Variants in PLA2G7 observed in about 807,000 individuals in gnomAD.
The protein encoded by PLA2G7 is phospholipase A2 group VII.
In PLA2G7, 63 loss-of-function variants were observed where a neutral mutation model predicts 49.6. That is an observed-to-expected ratio of 1.27 (90% CI 1.04 to 1.57). The LOEUF (loss-of-function observed/expected upper bound fraction) is 1.57, where lower values mean the gene tolerates loss of function less well. Ranked by LOEUF, PLA2G7 falls within the 40% of genes most tolerant of loss-of-function variation. The probability of loss-of-function intolerance (pLI) is 0.00; values close to 1 mark genes in which losing one functional copy is unlikely to be tolerated. For synonymous variants in PLA2G7, 193 were observed against 169.9 expected, an observed-to-expected ratio of 1.14 and a Z score of -1.06; for missense variants, 596 against 521.2, an observed-to-expected ratio of 1.14 and a Z score of -1.40.
chr6:46,723,972 G>A (rs1765489140), intron 1 of PLA2G7, among the ~76,000 whole-genome samples: 1 of 152,052 alleles, frequency 6.6e-6, no homozygotes, highest in Non-Finnish European at 1.5e-5. Context: ...CACCAAACAT[G>A]CCAAGTACTC....
chr6:46,728,367 G>T (rs531966515), intron 1 of PLA2G7, among the ~76,000 whole-genome samples: 1 of 152,304 alleles, frequency 6.6e-6, no homozygotes, highest in African/African-American at 2.4e-5. Flanking sequence ...TAAGCATCCT[G>T]TAGTGCACAG....
intron 10 of PLA2G7, among the ~76,000 whole-genome samples, chr6:46,707,147 C>G (rs1764855715): frequency 1.3e-5 from 2 of 152,034 alleles, no homozygotes; most frequent in African/African-American, 2.4e-5. Flanking sequence ...GTCATGGTAC[C>G]CCATTATAGC....
At position 46,716,469 on chromosome 6, in the gene PLA2G7, C is replaced by T. The variant is rs184940944; in HGVS notation, c.291G>A (p.Trp97Ter). The change falls in exon 4 of 12, where the codon TGG (tryptophan) becomes TGA (stop). Residue 97 changes from tryptophan to a stop codon, truncating the protein, a stop_gained. Coordinates refer to ENST00000274793, the MANE Select transcript of PLA2G7 (RefSeq NM_005084.4). LOFTEE classifies it high-confidence loss of function. ...SQDNDRLDTL[W>*]IPNKEYFWGL... The stretch of plus-strand genomic sequence containing the variant: ...CCCAAAAATATTCTTTATTTGGGAT[C>T]CAAAGGGTGTCAAGGCGATCATTAT... 1.2e-6 allele frequency: 2 copies of T among 1,613,850 alleles called. No homozygotes were observed. The highest frequency in any genetic ancestry group is 2.7e-5 in the African/African-American group (2 of 74,996).
chr6:46,709,324 T>C lies in PLA2G7; in HGVS notation c.869+3A>G, dbSNP rs201938933. 1 of 1,507,398 alleles carries C rather than the reference T, an allele frequency of 6.6e-7. No homozygotes were observed. The highest frequency in any genetic ancestry group is 9.2e-7 in the Non-Finnish European group (1 of 1,083,318). The allele number at this position is 1,507,398 out of a possible 1,614,324, so 93.4% of individuals were successfully genotyped here. On this transcript the variant is annotated splice_donor_region_variant and intron_variant, in intron 9 of 11. Coordinates refer to ENST00000274793, the MANE Select transcript of PLA2G7 (RefSeq NM_005084.4). ...CTCTTGCTTTACTATCTTATTTTCT[T>C]ACCTGAATCTCTGATCTTCACTAAG... is the stretch of plus-strand genomic sequence containing the variant.
chr6:46,706,374 G>T (rs1008918855), intron 10 of PLA2G7, among the ~76,000 whole-genome samples: 2 of 152,212 alleles, frequency 1.3e-5, no homozygotes, highest in African/African-American at 4.8e-5. Flanking sequence ...GAATACAAGA[G>T]AATTGCGAGC....
intron 8 of PLA2G7, among the ~76,000 whole-genome samples, chr6:46,710,013 C>T (rs1764958979): frequency 6.6e-6 from 1 of 152,166 alleles, no homozygotes; most frequent in South Asian, 2.1e-4. Context: ...GCCAAGGGGA[C>T]AACATGTACA....
chr6:46,711,456 T>C lies in PLA2G7; in HGVS notation c.663+40A>G, dbSNP rs199642346. ...ACAAATGTCATCCTTTTGTACATGCTTTTAGGTCACCAACCACCTCTCCTT... is the reference window on the plus strand; with the variant it reads ...ACAAATGTCATCCTTTTGTACATGCCTTTAGGTCACCAACCACCTCTCCTT... On this transcript the variant is annotated intron_variant, in intron 7 of 11. Coordinates refer to ENST00000274793, the MANE Select transcript of PLA2G7 (RefSeq NM_005084.4). 1.1e-5 allele frequency: 18 copies of C among 1,610,040 alleles called. No homozygotes were observed. The African/African-American group carries it at 1.2e-4, about 11-fold the overall frequency.
At chr6:46,721,587 C>T (rs1450694095) in intron 2 of PLA2G7, among the ~76,000 whole-genome samples, 1 of 150,446 alleles carries the variant, frequency 6.6e-6, no homozygotes, top group Non-Finnish European at 1.5e-5. Flanking sequence ...TACCTGTTCT[C>T]AATCCATGAA....
At chr6:46,724,624 A>G (rs1765516526) in intron 1 of PLA2G7, among the ~76,000 whole-genome samples, 1 of 152,214 alleles carries the variant, frequency 6.6e-6, no homozygotes. Flanking sequence ...TTTGAACAGA[A>G]GTCGTCTGCA....
At chr6:46,720,391 ATTCAGGAG>A (rs1488178262) in intron 2 of PLA2G7, among the ~76,000 whole-genome samples, 1 of 152,256 alleles carries the variant, frequency 6.6e-6, no homozygotes, top group Non-Finnish European at 1.5e-5. Flanking sequence ...CTCACTCAGC[ATTCAGGAG>A]CATTCAGGTC....
rs78220391 is a variant in PLA2G7, at chr6:46,718,601, T to A, written c.110-1505A>T. ...GTTGATGCCACTGCACCTTTGTAAA[T>A]GCTACTGCCTATGCTTAAATCCCCT... On this transcript the variant is annotated intron_variant, in intron 2 of 11. Transcript: ENST00000274793. 2.7e-3 allele frequency among the ~76,000 whole-genome samples: 415 copies of A among 152,358 alleles called. 2 individuals carry two copies. Among genetic ancestry groups the A allele is most frequent in the African/African-American group, 9.4e-3 (389 of 41,580 alleles).
chr6:46,705,063 A>G, intron 11 of PLA2G7, 90 bp downstream of exon 11: 1 of 957,156 alleles, frequency 1.0e-6, no homozygotes, highest in South Asian at 1.4e-5. Context: ...CCAACTGGAA[A>G]TAGTTTAAAT....
At chr6:46,718,336 T>G (rs936806745) in intron 2 of PLA2G7, among the ~76,000 whole-genome samples, 18 of 152,262 alleles carry the variant, frequency 1.2e-4, no homozygotes, top group Admixed American at 7.8e-4. Context: ...GGAATTTAAA[T>G]CTACACATGC....
intron 2 of PLA2G7, among the ~76,000 whole-genome samples, chr6:46,719,610 G>T (rs1765328675): frequency 6.6e-6 from 1 of 152,176 alleles, no homozygotes; most frequent in East Asian, 1.9e-4. Context: ...GAGGGACATG[G>T]TTCTATTTCA....
intron 2 of PLA2G7, 146 bp downstream of exon 2, chr6:46,722,637 C>T: frequency 1.5e-6 from 1 of 659,006 alleles, no homozygotes; most frequent in East Asian, 2.8e-5. Flanking sequence ...AAGTGAGAAC[C>T]TCTCCCCTAC....
At chr6:46,722,644 C>T (rs1765436790) in intron 2 of PLA2G7, 139 bp downstream of exon 2, 2 of 674,854 alleles carry the variant, frequency 3.0e-6, no homozygotes, top group Admixed American at 2.2e-5. Flanking sequence ...AACCTCTCCC[C>T]TACTCCAGGA....
At chr6:46,728,799 A>G (rs772011794) in intron 1 of PLA2G7, among the ~76,000 whole-genome samples, 3 of 152,234 alleles carry the variant, frequency 2.0e-5, no homozygotes, top group Non-Finnish European at 4.4e-5. Flanking sequence ...AAATGGCTAC[A>G]TGATGGTTAG....
chr6:46,710,468 C>A, intron 8 of PLA2G7, 77 bp downstream of exon 8: 1 of 932,594 alleles, frequency 1.1e-6, no homozygotes, highest in Non-Finnish European at 1.8e-6. Context: ...TTGTACCTTG[C>A]AATATAGCAG....
At chr6:46,711,107 T>C (rs929176148) in intron 7 of PLA2G7, among the ~76,000 whole-genome samples, 1 of 152,204 alleles carries the variant, frequency 6.6e-6, no homozygotes, top group Admixed American at 6.5e-5. Context: ...GATTCAAACA[T>C]AGAAAGTTGG....
Sources: gnomAD v4.1 joint callset for allele counts (sites outside exome capture counted in the v4.1 genomes callset) on GRCh38, gnomAD v4.1.1 for gene constraint, MANE v1.5 for transcripts, NCBI Gene and HGNC (gene_info 2026-07-23, HGNC 2026-07-21) for gene names.